Variants in LRRC17 observed in about 807,000 individuals in gnomAD.
LRRC17 encodes the protein leucine-rich repeat-containing protein 17.
A neutral mutation model predicts 41.5 loss-of-function variants in LRRC17; 33 were observed. That is an observed-to-expected ratio of 0.80 (90% CI 0.60 to 1.06). The LOEUF (loss-of-function observed/expected upper bound fraction) is 1.06. Among genes scored for constraint, LRRC17 ranks in the 50% least tolerant of loss-of-function variants. The pLI is 0.00. For synonymous variants in LRRC17, 192 were observed against 197.0 expected (o/e 0.97, Z 0.21); for missense variants, 491 against 519.3 (o/e 0.95, Z 0.53).
chr7:102,942,363 G>T, intron 3 of LRRC17: 1 of 1,534,872 alleles, frequency 6.5e-7, no homozygotes, highest in South Asian at 1.3e-5. Flanking sequence ...AAATGCAGTG[G>T]GAGTTGCCAG....
At chr7:102,943,794 G>A (rs976700618) in intron 3 of LRRC17, among the ~76,000 whole-genome samples, 4 of 152,170 alleles carry the variant, frequency 2.6e-5, no homozygotes, top group Non-Finnish European at 5.9e-5. Flanking sequence ...ACTTTACCTG[G>A]TAAATGGAGT....
intron 1 of LRRC17, among the ~76,000 whole-genome samples, chr7:102,922,493 C>G (rs934615796): frequency 2.0e-5 from 3 of 152,066 alleles, no homozygotes; most frequent in Admixed American, 2.0e-4. Flanking sequence ...TGTGCATTTA[C>G]TATAAAATTT....
intron 1 of LRRC17, among the ~76,000 whole-genome samples, chr7:102,925,940 CA>C (rs66682276): frequency 0.71 from 71,887 of 100,882 alleles, 24,049 homozygotes; most frequent in Middle Eastern, 0.85. Context: ...GACTCTGTCT[CA>C]AAAAAAAAAA....
rs1337447951 is a variant in LRRC17 at position 102,934,644 on chromosome 7, A to G, written c.731A>G (p.Asn244Ser). 2 of 1,605,740 alleles carry G rather than the reference A, an allele frequency of 1.2e-6. No individual in the cohort carries two copies. The highest frequency in any genetic ancestry group is 1.1e-5 in the South Asian group (1 of 88,968). Residue 244 changes from asparagine to serine, a missense_variant, in exon 2 of 4, where the codon AAT becomes AGT. Physicochemically the swap from Asn to Ser is conservative, Grantham distance 46. Coordinates refer to ENST00000339431, the MANE Select transcript of LRRC17 (RefSeq NM_001031692.3). ...KPEVDSTFCH[N>S]YVFPIQTLDC... Reference sequence around the variant, plus strand: ...GAGGTGGACTCAACTTTTTGCCACAATTATGTGTTTCCCATACAAACACTG... The same window carrying G: ...GAGGTGGACTCAACTTTTTGCCACAGTTATGTGTTTCCCATACAAACACTG...
intron 1 of LRRC17, among the ~76,000 whole-genome samples, chr7:102,928,241 A>T (rs2129472404): frequency 6.6e-6 from 1 of 152,276 alleles, no homozygotes; most frequent in East Asian, 1.9e-4. Context: ...CATCCAAACA[A>T]ATTTAGACCA....
chr7:102,943,469 A>G (rs534182922), intron 3 of LRRC17, among the ~76,000 whole-genome samples: 1 of 152,344 alleles, frequency 6.6e-6, no homozygotes, highest in Admixed American at 6.5e-5. Context: ...ACACATTTAC[A>G]GTGAAGAAAT....
Position 102,944,256 on chromosome 7 carries a change from C to A in LRRC17, c.975C>A (p.Asn325Lys), listed in dbSNP as rs773942585. 4 of 1,612,048 alleles carry A rather than the reference C, an allele frequency of 2.5e-6. No individual in the cohort carries two copies. The Admixed American group carries it at 5.0e-5, about 20-fold the overall frequency. ...ATTTAGAAGAATTAGATTTATCAAA[C>A]AACAGTCTGCAAAACTTTGACTATG... ...LTHLEELDLS[N>K]NSLQNFDYGV... The change falls in exon 4 of 4, where the codon AAC (asparagine) becomes AAA (lysine). Residue 325 changes from asparagine (N) to lysine (K), a missense_variant. Physicochemically the swap from Asn to Lys is moderately conservative, Grantham distance 94. Transcript: ENST00000339431.
rs77606690 is a variant in LRRC17, at chr7:102,919,462, T to C, written c.-141+6317T>C. Among the ~76,000 whole-genome samples, 569 of 152,300 alleles carry C rather than the reference T, an allele frequency of 3.7e-3. 5 individuals are homozygous for C. The highest frequency in any genetic ancestry group is 0.014 in the African/African-American group (562 of 41,572). ...TGCCTTCCCTAGCTGAGAAAAAATA[T>C]ATTTTAGTGTTCAAAAGGTTTAAAA... On this transcript the variant is annotated intron_variant, in intron 1 of 3. Transcript: ENST00000339431.
chr7:102,935,228 TTTTTTTTTTCTTTC>T (rs1205648632), intron 2 of LRRC17, among the ~76,000 whole-genome samples: 2 of 137,196 alleles, frequency 1.5e-5, no homozygotes, highest in African/African-American at 5.2e-5. Flanking sequence ...TCATGCTCCT[TTTTTTTTTTCTTTC>T]TTTTTTTTTT....
chr7:102,939,629 T>A (rs749420694), intron 3 of LRRC17, 44 bp downstream of exon 3: 1 of 1,541,018 alleles, frequency 6.5e-7, no homozygotes, highest in South Asian at 1.3e-5. Flanking sequence ...GCAAGTGTTC[T>A]GTGATTTTTT....
intron 1 of LRRC17, among the ~76,000 whole-genome samples, chr7:102,922,839 G>A (rs1817335232): frequency 6.6e-6 from 1 of 152,080 alleles, no homozygotes; most frequent in Non-Finnish European, 1.5e-5. Context: ...TTAACTGGGT[G>A]TGGTGGTGGG....
chr7:102,937,248 C>T (rs1820497484), intron 2 of LRRC17, among the ~76,000 whole-genome samples: 1 of 151,892 alleles, frequency 6.6e-6, no homozygotes. Context: ...GCCTATAATC[C>T]CAGCACTTTG....
rs369316678 is a variant in LRRC17 at position 102,933,901 on chromosome 7, G to C, written c.-13G>C. The C allele has an allele frequency of 2.4e-5, 38 of 1,584,412 alleles. No homozygotes were observed. The African/African-American group carries it at 4.7e-4, about 20-fold the overall frequency. ...CTGTAACACGAAGTAATTGGGGCCA[G>C]CTGGATGTCAGGATGCGTGTGGTTA... On this transcript the variant is annotated 5_prime_UTR_variant, in exon 2 of 4. Transcript: ENST00000339431.
intron 2 of LRRC17, among the ~76,000 whole-genome samples, chr7:102,939,107 C>G (rs574353719): frequency 2.0e-5 from 3 of 152,302 alleles, no homozygotes; most frequent in Admixed American, 1.3e-4. Context: ...ATAAGCAAGT[C>G]CTGATAAACA....
At chr7:102,934,716 T>C in intron 2 of LRRC17, 31 bp downstream of exon 2, 2 of 1,521,408 alleles carry the variant, frequency 1.3e-6, no homozygotes, top group Non-Finnish European at 1.8e-6. Flanking sequence ...TTCATTTTCA[T>C]GAATAACTTG....
intron 1 of LRRC17, among the ~76,000 whole-genome samples, chr7:102,923,728 G>T (rs1817537690): frequency 6.6e-6 from 1 of 152,058 alleles, no homozygotes; most frequent in African/African-American, 2.4e-5. Flanking sequence ...GGAGGCTGAG[G>T]CAGGAGAATT....
In LRRC17 at chr7:102,934,769, G is replaced by A. The variant is rs137954239; in HGVS notation, c.772+84G>A. ...TATAATCCTCCCTACATCCCACCAT[G>A]TCTTGGAATTCGTGATGTCACTTCC... On this transcript the variant is annotated intron_variant, in intron 2 of 3. Transcript: ENST00000339431. 1.6e-3 allele frequency: 1,903 copies of A among 1,219,140 alleles called. 44 individuals carry two copies. In the Admixed American group the frequency reaches 0.043, roughly 27 times the overall value. The allele number at this position is 1,219,140 out of a possible 1,614,324, so 75.5% of individuals were successfully genotyped here.
At chr7:102,913,214 G>C in intron 1 of LRRC17, 69 bp downstream of exon 1, 2 of 1,614,080 alleles carry the variant, frequency 1.2e-6, no homozygotes, top group Non-Finnish European at 1.7e-6. Flanking sequence ...TTGTGGAAGT[G>C]CCTGAAAAGA....
chr7:102,931,905 A>G (rs777586197), intron 1 of LRRC17: 1 of 1,613,662 alleles, frequency 6.2e-7, no homozygotes, highest in African/African-American at 1.3e-5. Flanking sequence ...AGTCAGAGAC[A>G]TTCAACTCTT....
Sources: gnomAD v4.1 joint callset for allele counts (sites outside exome capture counted in the v4.1 genomes callset) on GRCh38, gnomAD v4.1.1 for gene constraint, MANE v1.5 for transcripts, NCBI Gene and HGNC (gene_info 2026-07-23, HGNC 2026-07-21) for gene names.